The following MKLN1 variants were observed in gnomAD, a reference collection of about 807,000 sequenced individuals.
MKLN1 encodes muskelin.
Under a neutral mutation model 99.0 loss-of-function variants are expected in MKLN1, and 18 were observed. The ratio of observed to expected loss-of-function variants is 0.18; its 90% CI spans 0.13 to 0.27. The LOEUF is 0.27. Among genes scored for constraint, MKLN1 ranks in the 10% least tolerant of loss-of-function variants. The probability of loss-of-function intolerance (pLI) is 1.00; values close to 1 mark genes in which losing one functional copy is unlikely to be tolerated. For missense variants in MKLN1, 621 were observed against 875.9 expected (o/e 0.71, Z 3.67); for synonymous variants, 288 against 293.2 (o/e 0.98, Z 0.18).
chr7:131,292,961 T>G (rs1328775418), intron 3 of MKLN1, among the ~76,000 whole-genome samples: 2 of 152,244 alleles, frequency 1.3e-5, no homozygotes, highest in Non-Finnish European at 2.9e-5. Context: ...TATGATGCAG[T>G]AAGAGGTACA....
chr7:131,463,651 A>G (rs924356110), intron 13 of MKLN1, among the ~76,000 whole-genome samples: 7 of 152,218 alleles, frequency 4.6e-5, no homozygotes, highest in Admixed American at 6.5e-5. Flanking sequence ...ACTTGAGAAC[A>G]GTGCTGTTTC....
chr7:131,346,790 T>C (rs975161717), intron 1 of MKLN1, among the ~76,000 whole-genome samples: 2 of 152,238 alleles, frequency 1.3e-5, no homozygotes, highest in East Asian at 3.8e-4. Flanking sequence ...AGGCCCAAAG[T>C]ACTAGACTAT....
intron 3 of MKLN1, among the ~76,000 whole-genome samples, chr7:131,235,295 C>CTGTG (rs35071431): frequency 1.3e-5 from 2 of 149,430 alleles, no homozygotes; most frequent in East Asian, 2.0e-4. Flanking sequence ...CACACACACA[C>CTGTG]TGTGTGTGTG....
At chr7:131,267,864 C>T (rs553867996) in intron 3 of MKLN1, among the ~76,000 whole-genome samples, 3 of 152,328 alleles carry the variant, frequency 2.0e-5, no homozygotes, top group South Asian at 4.1e-4. Flanking sequence ...TTCATTTTCA[C>T]CACAGCATTT....
chr7:131,246,428 C>A (rs914529128), intron 3 of MKLN1, among the ~76,000 whole-genome samples: 2 of 152,202 alleles, frequency 1.3e-5, no homozygotes, highest in African/African-American at 4.8e-5. Context: ...TCTGGGTTAT[C>A]TTAGAAGAGA....
chr7:131,214,260 C>T (rs1401627905), intron 3 of MKLN1, among the ~76,000 whole-genome samples: 5 of 152,090 alleles, frequency 3.3e-5, no homozygotes, highest in Non-Finnish European at 7.3e-5. Flanking sequence ...AGTCTAAGCC[C>T]GTCATAGTAA....
intron 8 of MKLN1, among the ~76,000 whole-genome samples, chr7:131,425,177 G>A (rs1159548005): frequency 2.6e-5 from 4 of 152,196 alleles, no homozygotes; most frequent in South Asian, 2.1e-4. Flanking sequence ...TGGTGATAGA[G>A]CCAGGATTGT....
chr7:131,399,552 G>C, intron 6 of MKLN1, 119 bp downstream of exon 6: 1 of 792,430 alleles, frequency 1.3e-6, no homozygotes, highest in Non-Finnish European at 2.0e-6. Context: ...TTTTTTACTC[G>C]GTTAAAGATT....
intron 3 of MKLN1, among the ~76,000 whole-genome samples, chr7:131,253,267 A>G (rs1345016897): frequency 6.6e-6 from 1 of 152,128 alleles, no homozygotes; most frequent in African/African-American, 2.4e-5. Flanking sequence ...GGAAGCTCCA[A>G]TCTGAGGGGG....
At chr7:131,211,138 A>G (rs1310580934) in intron 3 of MKLN1, among the ~76,000 whole-genome samples, 2 of 152,160 alleles carry the variant, frequency 1.3e-5, no homozygotes. Flanking sequence ...CCAGGGAACT[A>G]TAAGTAGGCC....
chr7:131,382,334 C>T (rs1793876833), intron 2 of MKLN1, among the ~76,000 whole-genome samples: 1 of 151,348 alleles, frequency 6.6e-6, no homozygotes, highest in African/African-American at 2.4e-5. Context: ...CACTGCACTC[C>T]AGCCAGGGCG....
chr7:131,137,717 T>A (rs183065618), intron 1 of MKLN1, among the ~76,000 whole-genome samples: 252 of 151,024 alleles, frequency 1.7e-3, no homozygotes, highest in Admixed American at 3.8e-3. Context: ...TGGGATTACG[T>A]GCATGCGCCA....
At chr7:131,247,998 G>A (rs989343531) in intron 3 of MKLN1, among the ~76,000 whole-genome samples, 1 of 152,104 alleles carries the variant, frequency 6.6e-6, no homozygotes, top group East Asian at 1.9e-4. Flanking sequence ...TCTCGGGCTC[G>A]AGCAATCCTC....
intron 6 of MKLN1, among the ~76,000 whole-genome samples, chr7:131,402,237 C>CATTCAT (rs1794570094): frequency 1.3e-5 from 2 of 152,170 alleles, no homozygotes; most frequent in African/African-American, 4.8e-5. Context: ...GTTTCCATCT[C>CATTCAT]AAGAAACCAC....
chr7:131,268,080 T>TG (rs979784229), intron 3 of MKLN1, among the ~76,000 whole-genome samples: 1 of 152,200 alleles, frequency 6.6e-6, no homozygotes, highest in African/African-American at 2.4e-5. Flanking sequence ...TCACATAGGC[T>TG]GGGTTGGGTT....
intron 9 of MKLN1, among the ~76,000 whole-genome samples, chr7:131,429,809 T>G (rs992919512): frequency 4.6e-5 from 7 of 152,196 alleles, no homozygotes; most frequent in African/African-American, 1.7e-4. Context: ...CTCGATCTCC[T>G]GACCTCGTGA....
At position 131,344,103 on chromosome 7, in the gene MKLN1, T is replaced by C. The variant is rs1302379122; in HGVS notation, c.98+16106T>C. ...CAGACACATGATTTGTATGCCTGTG[T>C]ATATAGAAAAGATTGCAAGGATATT... is the stretch of plus-strand genomic sequence containing the variant. On this transcript the variant is annotated intron_variant, in intron 1 of 17. Transcript: ENST00000352689. Among the ~76,000 whole-genome samples, 3 of 152,332 alleles carry C rather than the reference T, an allele frequency of 2.0e-5. No homozygotes were observed. The East Asian group carries it at 5.8e-4, about 29-fold the overall frequency.
intron 1 of MKLN1, among the ~76,000 whole-genome samples, chr7:131,132,429 G>A (rs919559322): frequency 6.6e-6 from 1 of 152,180 alleles, no homozygotes; most frequent in African/African-American, 2.4e-5. Flanking sequence ...GGTAACAAAA[G>A]ACACATATAC....
intron 3 of MKLN1, among the ~76,000 whole-genome samples, chr7:131,257,947 C>T (rs1385751891): frequency 6.6e-6 from 1 of 151,748 alleles, no homozygotes; most frequent in Non-Finnish European, 1.5e-5. Context: ...TAATGAGACC[C>T]CATATCTACA....
Sources: allele counts gnomAD v4.1 joint callset (sites outside exome capture counted in the v4.1 genomes callset), GRCh38; gene constraint gnomAD v4.1.1; transcripts MANE v1.5; gene names NCBI Gene and HGNC (gene_info 2026-07-23, HGNC 2026-07-21).